The following EPRS1 variants were observed in gnomAD, a reference collection of about 807,000 sequenced individuals.
The protein encoded by EPRS1 is glutamyl-prolyl-tRNA synthetase 1.
In EPRS1, 107 loss-of-function variants were observed where a neutral mutation model predicts 188.3. The observed-to-expected ratio is 0.57, with a 90% CI of 0.49 to 0.67. EPRS1 has a LOEUF of 0.67. Ranked by LOEUF, EPRS1 falls within the 30% of genes least tolerant of loss-of-function variation. EPRS1 has a pLI of 0.00. For synonymous variants in EPRS1, 596 were observed against 593.1 expected (o/e 1.00, Z -0.07); for missense variants, 1,577 against 1,802.2 (o/e 0.88, Z 2.26).
rs1235073831 is a variant in EPRS1 at position 219,987,391 on chromosome 1, A to G, written c.2789T>C (p.Ile930Thr). 12 of 1,602,378 alleles carry G rather than the reference A, an allele frequency of 7.5e-6. No individual in the cohort carries two copies. The Admixed American group carries it at 8.7e-5, about 12-fold the overall frequency. The change falls in exon 20 of 32, where the codon ATA (isoleucine) becomes ACA (threonine). Residue 930 changes from isoleucine to threonine, a missense_variant. Physicochemically the swap from Ile to Thr is moderately conservative, Grantham distance 89. Around this residue, in one of 3 missense-constraint regions of EPRS1, gnomAD observed 1,278 missense variants for 1,457.4 expected, o/e 0.88. Transcript: ENST00000366923. ...TAGCTGAAGGAGTTCTTGAACAGCT[A>G]TATCTACTTGATCCTTTAGTTTAAC... is the stretch of plus-strand genomic sequence containing the variant. ...TEKAPKDQVDIAVQELLQLKA... is the reference protein window; with the variant it reads ...TEKAPKDQVDTAVQELLQLKA...
intron 19 of EPRS1, 64 bp downstream of exon 19, chr1:219,988,526 T>C (rs946277880): frequency 1.8e-6 from 2 of 1,100,914 alleles, no homozygotes; most frequent in African/African-American, 3.1e-5. Flanking sequence ...ACAAAACACT[T>C]GAGGCAAAGA....
rs1469694033 is a variant in EPRS1 at position 219,982,836 on chromosome 1, C to T, written c.3309G>A (p.Trp1103Ter). ...GCTCGGTTTTGCCAGATCTTGTAAC[C>T]CAAGCAACCTAGTAAGAAAAAATCA... ...HVADFAPEVAWVTRSGKTELA... is the reference protein window; with the variant it reads ...HVADFAPEVA Residue 1103 changes from tryptophan to a stop codon, truncating the protein, a stop_gained, in exon 23 of 32, where the codon TGG (tryptophan) becomes TGA (stop). Coordinates refer to ENST00000366923, the MANE Select transcript of EPRS1 (RefSeq NM_004446.3). LOFTEE classifies it high-confidence loss of function. 6.2e-7 allele frequency: 1 copy of T among 1,613,732 alleles called. No individual in the cohort carries two copies. Among genetic ancestry groups the T allele is most frequent in the Non-Finnish European group, 8.5e-7 (1 of 1,179,804 alleles).
chr1:219,980,919 A>G, intron 24 of EPRS1, 62 bp from the exon 25 acceptor site: 1 of 1,094,426 alleles, frequency 9.1e-7, no homozygotes, highest in Non-Finnish European at 1.4e-6. Context: ...TTTTTTTTGG[A>G]GACAGGGTCT....
chr1:219,977,981 A>C (rs1428453636), intron 28 of EPRS1, among the ~76,000 whole-genome samples: 2 of 152,196 alleles, frequency 1.3e-5, no homozygotes, highest in African/African-American at 2.4e-5. Context: ...TAAGTTTATA[A>C]ATCAGAATTA....
chr1:219,996,924 C>G, intron 18 of EPRS1, 59 bp downstream of exon 18: 1 of 1,499,026 alleles, frequency 6.7e-7, no homozygotes, highest in Non-Finnish European at 8.9e-7. Context: ...TGAGACTACT[C>G]TAAGCAGTTT....
Position 220,033,661 on chromosome 1 carries a change from G to A in EPRS1, c.232-3C>T. ...CTGAACTCCAACCAGTGATCAATCT[G>A]TCAACATAAAAGACAGAAAAGAAAT... is the stretch of plus-strand genomic sequence containing the variant. On this transcript the variant is annotated splice_polypyrimidine_tract_variant and splice_region_variant and intron_variant, in intron 3 of 31. Transcript: ENST00000366923. 1.3e-6 allele frequency: 2 copies of A among 1,597,418 alleles called. No individual in the cohort carries two copies. The highest frequency in any genetic ancestry group is 4.5e-5 in the East Asian group (2 of 44,650).
intron 12 of EPRS1, among the ~76,000 whole-genome samples, chr1:220,014,296 G>A (rs1661659648): frequency 1.3e-5 from 2 of 151,182 alleles, no homozygotes; most frequent in Non-Finnish European, 1.5e-5. Flanking sequence ...CCACTGCACG[G>A]TAGCCTGGGT....
rs190679628 is a variant in EPRS1, at chr1:220,016,115, G to A, written c.1494+2334C>T. Among the ~76,000 whole-genome samples, 246 of 152,302 alleles carry A rather than the reference G, an allele frequency of 1.6e-3. 1 individual carries two copies. The highest frequency in any genetic ancestry group is 5.2e-3 in the Admixed American group (80 of 15,306). On this transcript the variant is annotated intron_variant, in intron 12 of 31. Transcript: ENST00000366923. Reference sequence around the variant, plus strand: ...AATCCCAGAACTCCGGGAGGCTGAGGTGGGCGGATCACGAGGTCGGGAGTT... The same window carrying A: ...AATCCCAGAACTCCGGGAGGCTGAGATGGGCGGATCACGAGGTCGGGAGTT...
At chr1:220,044,713 A>AAAAAAAAAC (rs1491467092) in intron 1 of EPRS1, among the ~76,000 whole-genome samples, 1 of 127,776 alleles carries the variant, frequency 7.8e-6, no homozygotes, top group African/African-American at 2.7e-5. Context: ...AAAAAAAAAA[A>AAAAAAAAAC]CAGTATCAGG....
Position 220,022,422 on chromosome 1 carries a change from T to C in EPRS1, c.1040A>G (p.Asn347Ser). 1.2e-6 allele frequency: 2 copies of C among 1,614,184 alleles called. No individual in the cohort carries two copies. The highest frequency in any genetic ancestry group is 1.1e-5 in the South Asian group (1 of 91,084). The part of the protein sequence containing the change: ...CLRAKIDMSS[N>S]NGCMRDPTLY... ...GGTTGGATCTCTCATGCATCCATTG[T>C]TACTACTCATGTCAATTTTTGCTCG... The change falls in exon 9 of 32, where the codon AAC becomes AGC. Residue 347 changes from asparagine (N) to serine (S), a missense_variant. By Grantham distance (46) the Asn-to-Ser change is conservative (BLOSUM62 1). Around this residue, in one of 3 missense-constraint regions of EPRS1, gnomAD observed 1,278 missense variants for 1,457.4 expected, o/e 0.88. Transcript: ENST00000366923.
intron 9 of EPRS1, 111 bp downstream of exon 9, chr1:220,022,236 G>T: frequency 1.1e-6 from 1 of 932,380 alleles, no homozygotes; most frequent in Non-Finnish European, 1.6e-6. Context: ...GTGAACCCAT[G>T]GATGAACAAA....
intron 6 of EPRS1, among the ~76,000 whole-genome samples, chr1:220,029,897 CAA>C (rs1472761594): frequency 1.3e-5 from 2 of 152,094 alleles, no homozygotes; most frequent in Non-Finnish European, 2.9e-5. Flanking sequence ...CCATGGGTGC[CAA>C]GAGATGAAGG....
rs1660610457 is a variant in EPRS1, at chr1:219,968,741, A to T, written c.*65T>A. 3 of 1,470,102 alleles carry T rather than the reference A, an allele frequency of 2.0e-6. 1 individual carries two copies. The East Asian group carries it at 6.8e-5, about 33-fold the overall frequency. 91.1% of individuals were successfully genotyped at this position (1,470,102 alleles called of 1,614,324 possible). On this transcript the variant is annotated 3_prime_UTR_variant, in exon 32 of 32. Coordinates refer to ENST00000366923, the MANE Select transcript of EPRS1 (RefSeq NM_004446.3). ...AAAATCATAAAACGGTCTGTATCTGAGAAGATACTAATATCAATGCTTTAA... is the reference window on the plus strand; with the variant it reads ...AAAATCATAAAACGGTCTGTATCTGTGAAGATACTAATATCAATGCTTTAA...
At chr1:219,995,803 G>A (rs1289859415) in intron 18 of EPRS1, among the ~76,000 whole-genome samples, 2 of 152,170 alleles carry the variant, frequency 1.3e-5, no homozygotes, top group Admixed American at 1.3e-4. Context: ...TATCTTAGGT[G>A]GCAGTGTTTC....
In EPRS1 at chr1:219,983,274, C is replaced by A; in HGVS notation, c.3215G>T (p.Gly1072Val). 6.2e-7 allele frequency: 1 copy of A among 1,614,088 alleles called. No homozygotes were observed. Among genetic ancestry groups the A allele is most frequent in the Non-Finnish European group, 8.5e-7 (1 of 1,179,954 alleles). Reference protein sequence around the residue: ...DFFDAEIKKLGVENCYFPMFV... With the variant: ...DFFDAEIKKLVVENCYFPMFV... ...CATGGGGAAGTAGCAGTTTTCAACA[C>A]CAAGTTTCTTGATCTCAGCATCAAA... The change falls in exon 22 of 32, where the codon GGT (glycine) becomes GTT (valine). Residue 1072 changes from glycine (G) to valine (V), a missense_variant. Gly to Val is a moderately radical substitution (Grantham distance 109). Around this residue, in one of 3 missense-constraint regions of EPRS1, gnomAD observed 1,278 missense variants for 1,457.4 expected, o/e 0.88. Coordinates refer to ENST00000366923, the MANE Select transcript of EPRS1 (RefSeq NM_004446.3).
At chr1:220,044,977 T>C (rs968408365) in intron 1 of EPRS1, among the ~76,000 whole-genome samples, 1 of 152,194 alleles carries the variant, frequency 6.6e-6, no homozygotes, top group African/African-American at 2.4e-5. Flanking sequence ...CATTGATTTG[T>C]TGTGCGGTTA....
chr1:219,996,745 T>A lies in EPRS1; in HGVS notation c.2541+238A>T, dbSNP rs909841990. On this transcript the variant is annotated intron_variant, in intron 18 of 31. Coordinates refer to ENST00000366923, the MANE Select transcript of EPRS1 (RefSeq NM_004446.3). ...TTATACATATCACAAAGGATTACAG[T>A]CACATCACATAAGAGTACACTGAGT... Among the ~76,000 whole-genome samples, 6 of 152,134 alleles carry A rather than the reference T, an allele frequency of 3.9e-5. No homozygotes were observed. In the East Asian group the frequency reaches 1.2e-3, roughly 29 times the overall value.
intron 1 of EPRS1, among the ~76,000 whole-genome samples, chr1:220,042,892 G>A (rs929671224): frequency 3.3e-5 from 5 of 152,178 alleles, no homozygotes; most frequent in African/African-American, 1.2e-4. Context: ...CTGCACTCCA[G>A]CCTGGTGACA....
chr1:220,006,550 T>C (rs1630386), intron 14 of EPRS1, among the ~76,000 whole-genome samples: 95,397 of 151,898 alleles, frequency 0.63, 31,852 homozygotes, highest in Non-Finnish European at 0.75. Flanking sequence ...GAGATACTAA[T>C]AATCAACTAG....
Sources: allele counts gnomAD v4.1 joint callset (sites outside exome capture counted in the v4.1 genomes callset), GRCh38; gene constraint gnomAD v4.1.1; regional missense constraint gnomAD v4.1.1; transcripts MANE v1.5; gene names NCBI Gene and HGNC (gene_info 2026-07-23, HGNC 2026-07-21).